The following PACC1 variants were observed in gnomAD, a reference collection of about 807,000 sequenced individuals.
PACC1 encodes proton activated chloride channel 1.
In PACC1, 34 loss-of-function variants were observed where a neutral mutation model predicts 39.7. The ratio of observed to expected loss-of-function variants is 0.86; its 90% confidence interval spans 0.65 to 1.14. The LOEUF (loss-of-function observed/expected upper bound fraction) is 1.14, where lower values mean the gene tolerates loss of function less well. Among genes scored for constraint, PACC1 ranks in the 50% most tolerant of loss-of-function variants. The pLI is 0.00. For synonymous variants in PACC1, 127 were observed against 160.6 expected (o/e 0.79, Z 1.58); for missense variants, 379 against 436.4 (o/e 0.87, Z 1.17).
At position 212,379,490 on chromosome 1, in the gene PACC1, C is replaced by T. The variant is rs141323610; in HGVS notation, c.638+405G>A. ...ACCAACTGTATTTCAGGCAAACATA[C>T]ATTAAGCCCGCACTAAGGGCAAGAT... On this transcript the variant is annotated intron_variant, in intron 5 of 7. Coordinates refer to ENST00000261455, the MANE Select transcript of PACC1 (RefSeq NM_018252.3). Among the ~76,000 whole-genome samples the T allele has an allele frequency of 4.1e-4, 63 of 152,296 alleles. 1 individual carries two copies. In the East Asian group the frequency reaches 6.8e-3, roughly 16 times the overall value.
intron 6 of PACC1, among the ~76,000 whole-genome samples, chr1:212,377,264 A>C (rs574976591): frequency 6.6e-6 from 1 of 152,328 alleles, no homozygotes; most frequent in South Asian, 2.1e-4. Context: ...GTGCTGCTAG[A>C]TGCAAGACAT....
intron 2 of PACC1, among the ~76,000 whole-genome samples, chr1:212,389,324 G>T (rs186518321): frequency 6.6e-6 from 1 of 152,158 alleles, no homozygotes; most frequent in South Asian, 2.1e-4. Flanking sequence ...GAGAACCCAG[G>T]GGGGGCCAGC....
chr1:212,414,107 AAG>A, intron 1 of PACC1: 1 of 1,501,702 alleles, frequency 6.7e-7, no homozygotes, highest in South Asian at 1.3e-5. Context: ...AGAAGAGACA[AAG>A]AACTGGAAAG....
At chr1:212,405,261 A>C (rs143424171) in intron 2 of PACC1, among the ~76,000 whole-genome samples, 21 of 152,292 alleles carry the variant, frequency 1.4e-4, no homozygotes, top group African/African-American at 4.8e-4. Flanking sequence ...ACTTCTATGG[A>C]GTCATACTTC....
rs183297421 is a variant in PACC1, at chr1:212,390,557, C to T, written c.134-3457G>A. Among the ~76,000 whole-genome samples, 4 of 150,892 alleles carry T rather than the reference C, an allele frequency of 2.7e-5. No homozygotes were observed. The East Asian group carries it at 7.8e-4, about 30-fold the overall frequency. On this transcript the variant is annotated intron_variant, in intron 2 of 7. Transcript: ENST00000261455. The stretch of plus-strand genomic sequence containing the variant: ...GATTTCTGCATTTCCAACTGAGGTA[C>T]TGGGTTCGTATCACTGGGGCTTGTC...
chr1:212,375,364 G>T, intron 6 of PACC1, 64 bp from the exon 7 acceptor site: 3 of 1,182,732 alleles, frequency 2.5e-6, no homozygotes, highest in Non-Finnish European at 3.8e-6. Flanking sequence ...CCTGTGCCCA[G>T]CGAAAGGAGA....
At position 212,386,635 on chromosome 1, in the gene PACC1, T is replaced by G. The variant is rs564391092; in HGVS notation, c.343+256A>C. Among the ~76,000 whole-genome samples, 1 of 152,270 alleles carries G rather than the reference T, an allele frequency of 6.6e-6. No individual in the cohort carries two copies. The highest frequency in any genetic ancestry group is 2.4e-5 in the African/African-American group (1 of 41,548). On this transcript the variant is annotated intron_variant, in intron 3 of 7. Transcript: ENST00000261455. The surrounding 1 kb of genome is among the most constrained non-coding windows in gnomAD (Gnocchi z 5.0). ...GCTTTTCGAGGCCCATCTCAAATCC[T>G]ACCTCTCTGCCAAGCTTTCCCTGAC...
chr1:212,374,915 T>C (rs1296227456), intron 7 of PACC1, among the ~76,000 whole-genome samples: 1 of 152,214 alleles, frequency 6.6e-6, no homozygotes, highest in African/African-American at 2.4e-5. Context: ...AGATAAATTA[T>C]GGTGAGCAAA....
intron 2 of PACC1, among the ~76,000 whole-genome samples, chr1:212,406,619 G>A (rs755306972): frequency 6.6e-6 from 1 of 152,196 alleles, no homozygotes; most frequent in East Asian, 1.9e-4. Flanking sequence ...GGACTCCTGA[G>A]ATCTGAATCT....
At chr1:212,378,318 G>A (rs1660742397) in intron 5 of PACC1, among the ~76,000 whole-genome samples, 1 of 152,210 alleles carries the variant, frequency 6.6e-6, no homozygotes, top group Non-Finnish European at 1.5e-5. Flanking sequence ...TGGGATCCCG[G>A]GGAAAGTCTT....
chr1:212,393,749 G>C (rs1661414413), intron 2 of PACC1, among the ~76,000 whole-genome samples: 1 of 152,106 alleles, frequency 6.6e-6, no homozygotes, highest in Non-Finnish European at 1.5e-5. Context: ...AAATGATAAA[G>C]GGGATATCAC....
At chr1:212,410,631 C>T in intron 1 of PACC1, 110 bp from the exon 2 acceptor site, 5 of 969,850 alleles carry the variant, frequency 5.2e-6, no homozygotes, top group Non-Finnish European at 8.3e-6. Context: ...CACCAAAAAC[C>T]ACATGACATA....
chr1:212,394,967 C>A (rs1661459176), intron 2 of PACC1, among the ~76,000 whole-genome samples: 1 of 152,196 alleles, frequency 6.6e-6, no homozygotes, highest in South Asian at 2.1e-4. Flanking sequence ...ACATTCCATG[C>A]TCATGGATAG....
intron 1 of PACC1, among the ~76,000 whole-genome samples, chr1:212,410,744 A>G (rs998364513): frequency 2.0e-5 from 3 of 152,234 alleles, no homozygotes; most frequent in Non-Finnish European, 1.5e-5. Context: ...AAGTACCACA[A>G]ACCGAACAGC....
chr1:212,392,516 G>C (rs1429839638), intron 2 of PACC1, among the ~76,000 whole-genome samples: 1 of 152,190 alleles, frequency 6.6e-6, no homozygotes, highest in Non-Finnish European at 1.5e-5. Context: ...ATCAATGCTA[G>C]GAAGAAACTA....
rs774109526 is a variant in PACC1 at position 212,365,256 on chromosome 1, ATCTCTT to A, written c.1006_1011del (p.Lys336_Arg337del). The stretch of plus-strand genomic sequence containing the variant: ...GTTGCCTGACCTCTTCTTTTAAGGT[ATCTCTT>A]TCTAATTTTGATCATCCATTTTATA... On this transcript the variant is annotated inframe_deletion, in exon 8 of 8. Coordinates refer to ENST00000261455, the MANE Select transcript of PACC1 (RefSeq NM_018252.3). The A allele has an allele frequency of 6.2e-7, 1 of 1,613,634 alleles. No homozygotes were observed.
chr1:212,366,419 G>A (rs756104063), intron 7 of PACC1, among the ~76,000 whole-genome samples: 6 of 149,958 alleles, frequency 4.0e-5, no homozygotes, highest in Non-Finnish European at 7.4e-5. Context: ...TCCTGCCTCA[G>A]CCTCCCGAGT....
chr1:212,375,153 C>A, intron 7 of PACC1, 40 bp downstream of exon 7: 1 of 1,440,774 alleles, frequency 6.9e-7, no homozygotes, highest in South Asian at 1.2e-5. Context: ...ATAATACTAT[C>A]ATAATCTTAA....
intron 2 of PACC1, among the ~76,000 whole-genome samples, chr1:212,405,355 A>G: frequency 6.6e-6 from 1 of 152,208 alleles, no homozygotes; most frequent in East Asian, 1.9e-4. Context: ...CTTGTAGGGC[A>G]GTGCCAAGGG....
Sources: allele counts gnomAD v4.1 joint callset (sites outside exome capture counted in the v4.1 genomes callset), GRCh38; gene constraint gnomAD v4.1.1; non-coding constraint Gnocchi (gnomAD v3.1); transcripts MANE v1.5; gene names NCBI Gene and HGNC (gene_info 2026-07-23, HGNC 2026-07-21).